Variants in CRIM1 observed in about 807,000 individuals in gnomAD.
CRIM1 encodes cysteine rich transmembrane BMP regulator 1.
CRIM1 carries 32 observed loss-of-function variants against 116.4 expected under a neutral mutation model. That is an observed-to-expected ratio of 0.27 (90% CI 0.21 to 0.37). CRIM1 has a LOEUF of 0.37. Ranked by LOEUF, CRIM1 falls within the 10% of genes least tolerant of loss-of-function variation. The probability of loss-of-function intolerance (pLI) is 1.00; values close to 1 mark genes in which losing one functional copy is unlikely to be tolerated. For synonymous variants in CRIM1, 590 were observed against 509.2 expected, an observed-to-expected ratio of 1.16 and a Z score of -2.13; for missense variants, 1,331 against 1,354.8, an observed-to-expected ratio of 0.98 and a Z score of 0.28.
chr2:36,425,492 T>G lies in CRIM1; in HGVS notation c.506-15766T>G, dbSNP rs115511995. On this transcript the variant is annotated intron_variant, in intron 2 of 16. Transcript: ENST00000280527. ...AGCAGATTAAACTTAGATTACTTAC[T>G]TTTAAATTATTATTGGAAGTTAGTC... Among the ~76,000 whole-genome samples, 568 of 152,368 alleles carry G rather than the reference T, an allele frequency of 3.7e-3. 6 individuals carry two copies. Among genetic ancestry groups the G allele is most frequent in the Non-Finnish European group, 4.9e-3 (334 of 68,034 alleles).
intron 2 of CRIM1, among the ~76,000 whole-genome samples, chr2:36,397,092 G>T (rs1395957614): frequency 2.0e-5 from 3 of 152,130 alleles, no homozygotes; most frequent in Admixed American, 6.5e-5. Context: ...GTTGTCACCA[G>T]GTCCATTCTG....
At chr2:36,441,604 T>G in intron 3 of CRIM1, 104 bp downstream of exon 3, 1 of 1,416,970 alleles carries the variant, frequency 7.1e-7, no homozygotes, top group Non-Finnish European at 9.6e-7. Context: ...AGATGGGCCT[T>G]CTCACCGGTG....
At position 36,548,928 on chromosome 2, in the gene CRIM1, TAA is replaced by T. The variant is rs1667550507; in HGVS notation, c.*229_*230del. The T allele has an allele frequency of 6.1e-6, 2 of 328,036 alleles. No homozygotes were observed. The highest frequency in any genetic ancestry group is 4.3e-5 in the African/African-American group (2 of 46,792). 20.3% of individuals were successfully genotyped at this position (328,036 alleles called of 1,614,324 possible). A position where few individuals can be genotyped will look rare whatever the true frequency, so the allele number is the denominator to read the frequency against. ...AGTGTTTTCTTAGAACCAAAGTTTT[TAA>T]AGTTGCTAAGATATATTTGCCTGTA... On this transcript the variant is annotated 3_prime_UTR_variant, in exon 17 of 17. Coordinates refer to ENST00000280527, the MANE Select transcript of CRIM1 (RefSeq NM_016441.3).
Position 36,547,098 on chromosome 2 carries a change from T to TA in CRIM1, c.2863dup (p.Ile955AsnfsTer24). 1 of 1,612,954 alleles carries TA rather than the reference T, an allele frequency of 6.2e-7. No homozygotes were observed. The highest frequency in any genetic ancestry group is 8.5e-7 in the Non-Finnish European group (1 of 1,179,044). On this transcript the variant is annotated frameshift_variant, in exon 16 of 17. Coordinates refer to ENST00000280527, the MANE Select transcript of CRIM1 (RefSeq NM_016441.3). LOFTEE classifies it high-confidence loss of function. ...CCCATAATTATATGCCTCTCTATTA[T>TA]AATAGCATTCCTATTCATCAATCAG...
chr2:36,359,377 G>A (rs1366307198), intron 1 of CRIM1, among the ~76,000 whole-genome samples: 1 of 152,190 alleles, frequency 6.6e-6, no homozygotes, highest in African/African-American at 2.4e-5. Context: ...CCAACTTGCA[G>A]TAATTTTTAG....
chr2:36,432,798 A>T (rs921980614), intron 2 of CRIM1, among the ~76,000 whole-genome samples: 9 of 152,138 alleles, frequency 5.9e-5, no homozygotes, highest in Non-Finnish European at 8.8e-5. Flanking sequence ...TGTAAAAAAA[A>T]ATATATACCG....
chr2:36,499,788 C>T (rs554528779), intron 8 of CRIM1, among the ~76,000 whole-genome samples: 6 of 152,262 alleles, frequency 3.9e-5, no homozygotes, highest in African/African-American at 1.4e-4. Flanking sequence ...TATCCAGGCC[C>T]TGCCCTCTAG....
At chr2:36,431,272 GT>G (rs1311139054) in intron 2 of CRIM1, among the ~76,000 whole-genome samples, 1 of 152,056 alleles carries the variant, frequency 6.6e-6, no homozygotes, top group Non-Finnish European at 1.5e-5. Context: ...TGTATGAAAT[GT>G]TTTTATACTT....
At chr2:36,474,013 G>A (rs867722928) in intron 5 of CRIM1, among the ~76,000 whole-genome samples, 3 of 152,060 alleles carry the variant, frequency 2.0e-5, no homozygotes, top group Admixed American at 6.5e-5. Context: ...ATCAGTGCTC[G>A]TTACTATTTT....
intron 1 of CRIM1, among the ~76,000 whole-genome samples, chr2:36,389,302 C>T (rs1332629374): frequency 6.6e-6 from 1 of 152,060 alleles, no homozygotes; most frequent in Non-Finnish European, 1.5e-5. Context: ...CCTCCTCGAG[C>T]AGAACGGAAT....
chr2:36,440,269 C>T (rs190034648), intron 2 of CRIM1, among the ~76,000 whole-genome samples: 67 of 152,304 alleles, frequency 4.4e-4, no homozygotes, highest in Non-Finnish European at 4.0e-4. Flanking sequence ...TATCCTACTA[C>T]CCAATTCTGT....
Position 36,382,963 on chromosome 2 carries a change from G to T in CRIM1, c.332-13651G>T, listed in dbSNP as rs745897096. Among the ~76,000 whole-genome samples the T allele has an allele frequency of 4.6e-5, 7 of 152,316 alleles. No individual in the cohort carries two copies. In the East Asian group the frequency reaches 9.6e-4, roughly 21 times the overall value. ...TATTTCCTTTTATATCCTGAAAGCTGTTAGTTCTTGAAAGGTGTATTGAAC... is the reference window on the plus strand; with the variant it reads ...TATTTCCTTTTATATCCTGAAAGCTTTTAGTTCTTGAAAGGTGTATTGAAC... On this transcript the variant is annotated intron_variant, in intron 1 of 16. Transcript: ENST00000280527.
chr2:36,537,057 T>C (rs1381106039), intron 13 of CRIM1, among the ~76,000 whole-genome samples: 1 of 152,148 alleles, frequency 6.6e-6, no homozygotes, highest in Non-Finnish European at 1.5e-5. Context: ...GCTGGACTTT[T>C]TATCAATCTC....
chr2:36,507,712 G>A (rs1681529774), intron 8 of CRIM1, among the ~76,000 whole-genome samples: 1 of 152,214 alleles, frequency 6.6e-6, no homozygotes, highest in African/African-American at 2.4e-5. Context: ...CCATTGCAAA[G>A]CAGAGGTAGA....
intron 2 of CRIM1, among the ~76,000 whole-genome samples, chr2:36,435,522 G>A (rs1275501473): frequency 6.6e-6 from 1 of 151,392 alleles, no homozygotes; most frequent in African/African-American, 2.4e-5. Context: ...TTTTTCATTT[G>A]TCTTTGTGTT....
At position 36,550,042 on chromosome 2, in the gene CRIM1, T is replaced by C. The variant is rs1458661240; in HGVS notation, c.*1341T>C. 3 of 112,938 alleles carry C rather than the reference T, an allele frequency of 2.7e-5. No homozygotes were observed. The highest frequency in any genetic ancestry group is 5.3e-5 in the Non-Finnish European group (3 of 57,126). 7.0% of individuals were successfully genotyped at this position (112,938 alleles called of 1,614,324 possible). ...AAAGATGTGTGTGTGAGAGTATGTA[T>C]GTGTGTGTGTGTGTGTGTGTGTGTG... On this transcript the variant is annotated 3_prime_UTR_variant, in exon 17 of 17. Transcript: ENST00000280527.
chr2:36,431,742 T>C (rs532032979), intron 2 of CRIM1, among the ~76,000 whole-genome samples: 25 of 152,288 alleles, frequency 1.6e-4, no homozygotes, highest in African/African-American at 5.3e-4. Flanking sequence ...CCTGACTGCA[T>C]AGGAAGGGCT....
chr2:36,428,142 C>T (rs1026905808), intron 2 of CRIM1, among the ~76,000 whole-genome samples: 1 of 152,204 alleles, frequency 6.6e-6, no homozygotes, highest in East Asian at 1.9e-4. Context: ...AGACTACAGA[C>T]TGAAAAATGA....
chr2:36,394,523 C>CTAATT (rs1264565891), intron 1 of CRIM1, among the ~76,000 whole-genome samples: 1 of 151,898 alleles, frequency 6.6e-6, no homozygotes, highest in Non-Finnish European at 1.5e-5. Flanking sequence ...GAGTACTTTA[C>CTAATT]TAATTTCATT....
Sources: gnomAD v4.1 joint callset for allele counts (sites outside exome capture counted in the v4.1 genomes callset) on GRCh38, gnomAD v4.1.1 for gene constraint, MANE v1.5 for transcripts, NCBI Gene and HGNC (gene_info 2026-07-23, HGNC 2026-07-21) for gene names.